The following CD82 variants were observed in gnomAD, a reference collection of about 807,000 sequenced individuals.
CD82 encodes the protein CD82 molecule.
CD82 carries 36 observed loss-of-function variants against 37.4 expected under a neutral mutation model. The ratio of observed to expected loss-of-function variants is 0.96; its 90% CI spans 0.74 to 1.27. The LOEUF (loss-of-function observed/expected upper bound fraction) is 1.27, where lower values mean the gene tolerates loss of function less well. Among genes scored for constraint, CD82 ranks in the 50% most tolerant of loss-of-function variants. The pLI is 0.00. For synonymous variants in CD82, 158 were observed against 137.4 expected, an observed-to-expected ratio of 1.15 and a Z score of -1.05; for missense variants, 340 against 347.0, an observed-to-expected ratio of 0.98 and a Z score of 0.16.
rs1853010469 is a variant in CD82, at chr11:44,583,526, G to A, written c.-102-3949G>A. Among the ~76,000 whole-genome samples, 4 of 152,244 alleles carry A rather than the reference G, an allele frequency of 2.6e-5. No homozygotes were observed. The South Asian group carries it at 8.3e-4, about 31-fold the overall frequency. ...TCAGGCCTCAGGGATCTGGGGTAGGGTCAGGGGATCAGGCAGCAGGCGGCA... is the reference window on the plus strand; with the variant it reads ...TCAGGCCTCAGGGATCTGGGGTAGGATCAGGGGATCAGGCAGCAGGCGGCA... On this transcript the variant is annotated intron_variant, in intron 1 of 9. Transcript: ENST00000227155.
intron 1 of CD82, among the ~76,000 whole-genome samples, chr11:44,582,019 C>T (rs1852986172): frequency 6.6e-6 from 1 of 152,204 alleles, no homozygotes; most frequent in Non-Finnish European, 1.5e-5. Context: ...CAGTGACCAC[C>T]CTCTCTGCCT....
intron 7 of CD82, 52 bp from the exon 8 acceptor site, chr11:44,618,110 C>T (rs1590353564): frequency 6.4e-7 from 1 of 1,557,212 alleles, no homozygotes; most frequent in Non-Finnish European, 8.8e-7. Context: ...AGGAGGGCAG[C>T]CTGCCTAGGG....
chr11:44,582,128 GT>G (rs1441657409), intron 1 of CD82, among the ~76,000 whole-genome samples: 28 of 152,298 alleles, frequency 1.8e-4, no homozygotes, highest in Admixed American at 4.6e-4. Flanking sequence ...CTGCACCACT[GT>G]CCCCCCTGTG....
intron 3 of CD82, among the ~76,000 whole-genome samples, chr11:44,599,664 TG>T (rs1853278106): frequency 6.6e-6 from 1 of 152,198 alleles, no homozygotes; most frequent in Non-Finnish European, 1.5e-5. Context: ...TGCTGCAGAA[TG>T]GGGGCACCCG....
At chr11:44,609,484 G>C (rs1472045599) in intron 6 of CD82, among the ~76,000 whole-genome samples, 1 of 152,056 alleles carries the variant, frequency 6.6e-6, no homozygotes, top group East Asian at 1.9e-4. Context: ...GGCCTGGCTG[G>C]GAGCCAGAGG....
At chr11:44,599,743 G>A (rs947490866) in intron 3 of CD82, among the ~76,000 whole-genome samples, 1 of 152,262 alleles carries the variant, frequency 6.6e-6, no homozygotes, top group African/African-American at 2.4e-5. Context: ...CTGGGGATGA[G>A]TTGGGCTTTG....
intron 1 of CD82, among the ~76,000 whole-genome samples, chr11:44,580,730 C>T (rs1852968486): frequency 6.6e-6 from 1 of 152,084 alleles, no homozygotes; most frequent in Admixed American, 6.5e-5. Context: ...AGAAAAGAAA[C>T]AGTAAACAGA....
intron 2 of CD82, among the ~76,000 whole-genome samples, chr11:44,590,755 G>T (rs1853133707): frequency 6.6e-6 from 1 of 152,152 alleles, no homozygotes. Flanking sequence ...ATGGATGGCA[G>T]ACTGAGGCTC....
intron 6 of CD82, among the ~76,000 whole-genome samples, chr11:44,614,940 C>G (rs1306667961): frequency 6.6e-6 from 1 of 152,170 alleles, no homozygotes; most frequent in Admixed American, 6.5e-5. Flanking sequence ...GGGAGGCAGA[C>G]AAGTGGTGTA....
At chr11:44,582,759 C>T (rs1438492045) in intron 1 of CD82, among the ~76,000 whole-genome samples, 1 of 152,172 alleles carries the variant, frequency 6.6e-6, no homozygotes, top group Non-Finnish European at 1.5e-5. Flanking sequence ...TCCTAAATAT[C>T]CCTCTAGGTT....
rs1293350165 is a variant in CD82 at position 44,597,728 on chromosome 11, G to A, written c.64-2430G>A. 3.9e-5 allele frequency among the ~76,000 whole-genome samples: 6 copies of A among 152,196 alleles called. No homozygotes were observed. The highest frequency in any genetic ancestry group is 7.2e-5 in the African/African-American group (3 of 41,442). ...CCCTCCTGTCCCACCCTGTGAATGT[G>A]GGAGGGAATGGGGCAGGGGCTCTGC... On this transcript the variant is annotated intron_variant, in intron 3 of 9. Transcript: ENST00000227155. The surrounding 1 kb of genome is among the most constrained non-coding windows in gnomAD (Gnocchi z 4.1).
chr11:44,602,103 TA>T (rs1223962552), intron 4 of CD82, among the ~76,000 whole-genome samples: 1 of 152,150 alleles, frequency 6.6e-6, no homozygotes, highest in Non-Finnish European at 1.5e-5. Flanking sequence ...AGCAAGCTGG[TA>T]GGGGAGCTGG....
chr11:44,581,157 G>C lies in CD82; in HGVS notation c.-102-6318G>C, dbSNP rs149036100. 2.0e-4 allele frequency among the ~76,000 whole-genome samples: 31 copies of C among 152,308 alleles called. 2 individuals are homozygous for C. The South Asian group carries it at 5.6e-3, about 27-fold the overall frequency. On this transcript the variant is annotated intron_variant, in intron 1 of 9. Transcript: ENST00000227155. ...TGGGCCCTAAAACCCAATTAATCTA[G>C]GCTGGGCCTTGGTGGGGTAATTTTC...
At chr11:44,594,553 A>AG (rs1396158213) in intron 2 of CD82, 90 bp from the exon 3 acceptor site, 6 of 798,978 alleles carry the variant, frequency 7.5e-6, no homozygotes, top group Non-Finnish European at 1.3e-5. Flanking sequence ...CCTCTAAGGC[A>AG]GGGACAGGGT....
At chr11:44,569,594 G>A (rs1294550417) in intron 1 of CD82, among the ~76,000 whole-genome samples, 1 of 152,120 alleles carries the variant, frequency 6.6e-6, no homozygotes. Flanking sequence ...AGTAGGGCAT[G>A]TCTGTGAACA....
chr11:44,567,008 C>G (rs1852745439), intron 1 of CD82, among the ~76,000 whole-genome samples: 1 of 152,188 alleles, frequency 6.6e-6, no homozygotes, highest in African/African-American at 2.4e-5. Context: ...CTACTATATG[C>G]TAGAGAGAGC....
At chr11:44,578,644 A>G (rs1852934767) in intron 1 of CD82, among the ~76,000 whole-genome samples, 1 of 152,022 alleles carries the variant, frequency 6.6e-6, no homozygotes, top group Admixed American at 6.6e-5. Context: ...TGGACTCACT[A>G]TCCTCTCTGC....
chr11:44,615,194 G>A, intron 6 of CD82, 78 bp from the exon 7 acceptor site: 1 of 902,140 alleles, frequency 1.1e-6, no homozygotes, highest in Non-Finnish European at 1.8e-6. Flanking sequence ...ACGGGGGGAG[G>A]CAGTTTAAGT....
At chr11:44,578,739 C>T (rs769549418) in intron 1 of CD82, among the ~76,000 whole-genome samples, 30 of 152,112 alleles carry the variant, frequency 2.0e-4, no homozygotes, top group African/African-American at 7.0e-4. Context: ...GAGGAGAGGC[C>T]GGCGGATGGC....
Sources: gnomAD v4.1 joint callset for allele counts (sites outside exome capture counted in the v4.1 genomes callset) on GRCh38, gnomAD v4.1.1 for gene constraint, Gnocchi (gnomAD v3.1) non-coding constraint, MANE v1.5 for transcripts, NCBI Gene and HGNC (gene_info 2026-07-23, HGNC 2026-07-21) for gene names.